RBFOX1: variants seen among roughly 807,000 people sequenced by gnomAD.
RBFOX1 encodes RNA binding protein fox-1 homolog 1.
A neutral mutation model predicts 57.7 loss-of-function variants in RBFOX1; 8 were observed. That is an observed-to-expected ratio of 0.14 (90% CI 0.08 to 0.25). The LOEUF (loss-of-function observed/expected upper bound fraction) is 0.25, where lower values mean the gene tolerates loss of function less well. Ranked by LOEUF, RBFOX1 falls within the 10% of genes least tolerant of loss-of-function variation. The pLI is 1.00. For missense variants in RBFOX1, 611 were observed against 548.5 expected (o/e 1.11, Z -1.14); for synonymous variants, 326 against 222.4 (o/e 1.47, Z -4.15).
upstream of RBFOX1, chr16:6,018,955 C>T: frequency 1.0e-5 from 4 of 386,234 alleles, no homozygotes; most frequent in Non-Finnish European, 1.4e-5. Context: ...GAATCCAGGG[C>T]TGCACGCGTG....
chr16:6,425,575 G>A (rs2093901963), intron 2 of RBFOX1, among the ~76,000 whole-genome samples: 1 of 151,994 alleles, frequency 6.6e-6, no homozygotes, highest in East Asian at 1.9e-4. Flanking sequence ...AGAAAAACAA[G>A]TTTATCTACT....
At position 5,657,622 on chromosome 16, in the gene RBFOX1, C is replaced by CTTTCTTTCTTTCTTTCTT. The variant is rs1433340400; in HGVS notation, c.318+58662_318+58663insTTCTTTCTTTCTTTCTTT. Among the ~76,000 whole-genome samples, 2 of 103,000 alleles carry CTTTCTTTCTTTCTTTCTT rather than the reference C, an allele frequency of 1.9e-5. 1 individual carries two copies. Among genetic ancestry groups the CTTTCTTTCTTTCTTTCTT allele is most frequent in the African/African-American group, 8.8e-5 (2 of 22,830 alleles). 67.6% of individuals were successfully genotyped at this position (103,000 alleles called of 152,430 possible). On this transcript the variant is annotated intron_variant, in intron 3 of 19. Coordinates refer to the RBFOX1 transcript ENST00000641259. Reference sequence around the variant, plus strand: ...TTTCTCGCTCGCTTTCTTTCTTTCTCTCTTTCTTTCTTTCTTTCTTTCTTT... The same window carrying CTTTCTTTCTTTCTTTCTT: ...TTTCTCGCTCGCTTTCTTTCTTTCTCTTTCTTTCTTTCTTTCTTTCTTTCTTTCTTTCTTTCTTTCTTT...
In RBFOX1 at chr16:5,735,101, C is replaced by G. The variant is rs567979629; in HGVS notation, c.319-132202C>G. On this transcript the variant is annotated intron_variant, in intron 3 of 19. Transcript: ENST00000641259. ...CCTTGTGATCATATGGTTTATCCAG[C>G]TTTCCTTAGTTACTCCGTTTCTGTG... Among the ~76,000 whole-genome samples the G allele has an allele frequency of 5.9e-5, 9 of 152,314 alleles. No individual in the cohort carries two copies. The East Asian group carries it at 1.7e-3, about 29-fold the overall frequency.
chr16:7,488,905 A>G (rs373914526), intron 4 of RBFOX1, among the ~76,000 whole-genome samples: 32 of 152,174 alleles, frequency 2.1e-4, no homozygotes, highest in East Asian at 9.6e-4. Flanking sequence ...ATGTTTGTCT[A>G]TACGTTCATC....
chr16:7,302,777 G>C (rs1448277539), intron 4 of RBFOX1, among the ~76,000 whole-genome samples: 1 of 147,472 alleles, frequency 6.8e-6, no homozygotes, highest in African/African-American at 2.5e-5. Context: ...CCAAGGACGA[G>C]TTAGAGTCTT....
chr16:6,552,013 G>C (rs530210529), intron 2 of RBFOX1, among the ~76,000 whole-genome samples: 1 of 152,278 alleles, frequency 6.6e-6, no homozygotes, highest in South Asian at 2.1e-4. Context: ...ACATCTATTA[G>C]TTCAGCAGGA....
chr16:6,075,643 T>G (rs1172206943), intron 1 of RBFOX1, among the ~76,000 whole-genome samples: 1 of 152,184 alleles, frequency 6.6e-6, no homozygotes, highest in Non-Finnish European at 1.5e-5. Flanking sequence ...TAAATCAAGA[T>G]TTTTGTGATA....
intron 4 of RBFOX1, among the ~76,000 whole-genome samples, chr16:7,185,447 G>A (rs13334230): frequency 0.29 from 44,219 of 151,996 alleles, 7,941 homozygotes; most frequent in African/African-American, 0.5. Flanking sequence ...TCTGCAAATG[G>A]TAAGACTAGA....
chr16:6,026,951 G>A (rs1028335236), intron 1 of RBFOX1, among the ~76,000 whole-genome samples: 8 of 152,222 alleles, frequency 5.3e-5, no homozygotes, highest in East Asian at 1.9e-4. Context: ...TCTAATCACC[G>A]TCATCTGAAT....
intron 1 of RBFOX1, among the ~76,000 whole-genome samples, chr16:6,064,570 G>A (rs924793217): frequency 6.6e-6 from 1 of 151,844 alleles, no homozygotes; most frequent in African/African-American, 2.4e-5. Context: ...TAGACGGAGT[G>A]TCGCTCTGTC....
At chr16:6,693,844 C>T (rs71392501) in intron 3 of RBFOX1, among the ~76,000 whole-genome samples, 8 of 152,206 alleles carry the variant, frequency 5.3e-5, no homozygotes, top group Admixed American at 5.2e-4. Flanking sequence ...CACCATCATC[C>T]TTATTCAGCA....
At chr16:6,237,632 C>T (rs1186940520) in intron 1 of RBFOX1, among the ~76,000 whole-genome samples, 1 of 151,908 alleles carries the variant, frequency 6.6e-6, no homozygotes, top group African/African-American at 2.4e-5. Context: ...ATCCCAGCTA[C>T]TTGGGAGGGT....
chr16:5,977,412 C>A (rs1394923137), intron 4 of RBFOX1, among the ~76,000 whole-genome samples: 1 of 152,140 alleles, frequency 6.6e-6, no homozygotes, highest in Non-Finnish European at 1.5e-5. Context: ...CCTACGATCC[C>A]TGGTAATGCT....
At chr16:7,489,103 C>T (rs1323263405) in intron 4 of RBFOX1, among the ~76,000 whole-genome samples, 2 of 152,168 alleles carry the variant, frequency 1.3e-5, no homozygotes, top group African/African-American at 4.8e-5. Flanking sequence ...GCTTTGTCTT[C>T]ATTTTTCTCA....
chr16:6,919,120 C>G (rs531980054), intron 3 of RBFOX1, among the ~76,000 whole-genome samples: 2 of 152,240 alleles, frequency 1.3e-5, no homozygotes, highest in South Asian at 4.2e-4. Context: ...GCTGGGATTA[C>G]AGGCACCTGC....
At position 6,249,772 on chromosome 16, in the gene RBFOX1, CT is replaced by C. The variant is rs55802545; in HGVS notation, c.-126-67208del. Reference sequence around the variant, plus strand: ...TCCTGATCAGCTTCACATTTTTTTTCTTTTTTTTTTTTTTTATTATACTTTA... The same window carrying C: ...TCCTGATCAGCTTCACATTTTTTTTCTTTTTTTTTTTTTTATTATACTTTA... On this transcript the variant is annotated intron_variant, in intron 1 of 15. Coordinates refer to ENST00000550418, the MANE Select transcript of RBFOX1 (RefSeq NM_018723.4). Among the ~76,000 whole-genome samples the C allele has an allele frequency of 6.5e-4, 92 of 140,624 alleles. 1 individual carries two copies. The highest frequency in any genetic ancestry group is 1.4e-3 in the African/African-American group (53 of 38,160). The allele number at this position is 140,624 out of a possible 152,430, so 92.3% of individuals were successfully genotyped here. A position where few individuals can be genotyped will look rare whatever the true frequency, so the allele number is the denominator to read the frequency against.
intron 2 of RBFOX1, among the ~76,000 whole-genome samples, chr16:6,516,555 C>T (rs1375366107): frequency 6.6e-6 from 1 of 152,214 alleles, no homozygotes; most frequent in East Asian, 1.9e-4. Context: ...TTTTATAACC[C>T]TAGCACTTTG....
intron 3 of RBFOX1, among the ~76,000 whole-genome samples, chr16:6,858,735 C>T (rs1313056328): frequency 1.3e-5 from 2 of 152,042 alleles, no homozygotes; most frequent in South Asian, 4.1e-4. Context: ...CTTTATGGAA[C>T]AGTGTATACC....
chr16:6,385,452 C>G (rs1484323788), intron 2 of RBFOX1, among the ~76,000 whole-genome samples: 1 of 152,190 alleles, frequency 6.6e-6, no homozygotes, highest in African/African-American at 2.4e-5. Context: ...CTCCTCCTCC[C>G]AGGATCAAGT....
Sources: allele counts gnomAD v4.1 joint callset (sites outside exome capture counted in the v4.1 genomes callset), GRCh38; gene constraint gnomAD v4.1.1; transcripts MANE v1.5; gene names NCBI Gene and HGNC (gene_info 2026-07-23, HGNC 2026-07-21).